XKR5: variants seen among roughly 807,000 people sequenced by gnomAD.
XKR5 encodes XK-related protein 5.
In XKR5, 46 loss-of-function variants were observed where a neutral mutation model predicts 40.8. The ratio of observed to expected loss-of-function variants is 1.13; its 90% CI spans 0.89 to 1.44. The LOEUF (loss-of-function observed/expected upper bound fraction) is 1.44, where lower values mean the gene tolerates loss of function less well. Ranked by LOEUF, XKR5 falls within the 40% of genes most tolerant of loss-of-function variation. XKR5 has a pLI of 0.00. For synonymous variants in XKR5, 466 were observed against 356.1 expected (o/e 1.31, Z -3.48); for missense variants, 1,169 against 844.7 (o/e 1.38, Z -4.76).
chr8:6,816,096 AAG>A (rs879775279), intron 5 of XKR5, among the ~76,000 whole-genome samples, 178 bp from the exon 6 acceptor site: 15 of 151,948 alleles, frequency 9.9e-5, no homozygotes, highest in African/African-American at 3.6e-4. Flanking sequence ...TTCTCTGGCA[AAG>A]AGAGAGCCAC....
chr8:6,835,361 G>A, intron 1 of XKR5, 75 bp downstream of exon 1: 5 of 1,333,530 alleles, frequency 3.7e-6, no homozygotes, highest in Non-Finnish European at 2.9e-6. Flanking sequence ...GGCATAGGCA[G>A]CCTGTGCGGC....
chr8:6,816,088 C>G (rs937938268), intron 5 of XKR5, among the ~76,000 whole-genome samples, 170 bp from the exon 6 acceptor site: 9 of 152,008 alleles, frequency 5.9e-5, no homozygotes, highest in African/African-American at 2.2e-4. Flanking sequence ...CTGAGACCTT[C>G]TCTGGCAAAG....
chr8:6,827,984 C>G (rs1392868177), intron 2 of XKR5, among the ~76,000 whole-genome samples: 1 of 152,020 alleles, frequency 6.6e-6, no homozygotes, highest in African/African-American at 2.4e-5. Flanking sequence ...GGGAGGATCA[C>G]TTGAGCCCAG....
intron 2 of XKR5, among the ~76,000 whole-genome samples, chr8:6,829,489 A>G (rs1006546474): frequency 3.9e-5 from 6 of 152,196 alleles, no homozygotes; most frequent in African/African-American, 1.4e-4. Context: ...AAAAGAATAC[A>G]CTTATGGCTT....
chr8:6,832,921 C>G, intron 1 of XKR5, 21 bp from the exon 2 acceptor site: 1 of 1,534,488 alleles, frequency 6.5e-7, no homozygotes, highest in Non-Finnish European at 8.7e-7. Flanking sequence ...AGGGGAAAGG[C>G]AAGCAGGTTG....
At chr8:6,813,106 G>T (rs980708036) in intron 6 of XKR5, among the ~76,000 whole-genome samples, 1 of 152,212 alleles carries the variant, frequency 6.6e-6, no homozygotes, top group African/African-American at 2.4e-5. Context: ...CCAGGAGATT[G>T]CAGCATGACA....
Position 6,835,507 on chromosome 8 carries a change from C to A in XKR5, c.-14G>T. Reference sequence around the variant, plus strand: ...CCTCGCGTGCATCTTCCGTGCCGACCCCGCAGCCTGCGCCCGCCCCTTCCC... The same window carrying A: ...CCTCGCGTGCATCTTCCGTGCCGACACCGCAGCCTGCGCCCGCCCCTTCCC... On this transcript the variant is annotated 5_prime_UTR_variant, in exon 1 of 7. Coordinates refer to ENST00000618742, the MANE Select transcript of XKR5 (RefSeq NM_207411.5). 6.7e-7 allele frequency: 1 copy of A among 1,494,044 alleles called. No individual in the cohort carries two copies. Among genetic ancestry groups the A allele is most frequent in the South Asian group, 1.3e-5 (1 of 79,478 alleles). 92.5% of individuals were successfully genotyped at this position (1,494,044 alleles called of 1,614,324 possible).
chr8:6,834,384 C>A (rs1289240884), intron 1 of XKR5, among the ~76,000 whole-genome samples: 2 of 152,254 alleles, frequency 1.3e-5, no homozygotes, highest in East Asian at 1.9e-4. Context: ...GCTGTCACCA[C>A]CCCGAGCGTC....
rs946111500 is a variant in XKR5 at position 6,810,527 on chromosome 8, T to C, written c.*671A>G. The C allele has an allele frequency of 1.3e-5, 2 of 152,260 alleles. No homozygotes were observed. Among genetic ancestry groups the C allele is most frequent in the Non-Finnish European group, 2.9e-5 (2 of 68,072 alleles). The allele number at this position is 152,260 out of a possible 1,614,324, so 9.4% of individuals were successfully genotyped here. A position where few individuals can be genotyped will look rare whatever the true frequency, so the allele number is the denominator to read the frequency against. ...ACATTTATGCAGCTGGCCAGGAGGA[T>C]GCTGATGGTCTGAGAGTGAATTGCA... is the stretch of plus-strand genomic sequence containing the variant. On this transcript the variant is annotated 3_prime_UTR_variant, in exon 7 of 7. Transcript: ENST00000618742.
chr8:6,835,346 G>A (rs879628233), intron 1 of XKR5, 90 bp downstream of exon 1: 12 of 1,287,616 alleles, frequency 9.3e-6, no homozygotes, highest in East Asian at 3.2e-5. Context: ...GGCAGTGCCC[G>A]CCCGGGCATA....
intron 2 of XKR5, among the ~76,000 whole-genome samples, chr8:6,827,717 G>C (rs1392238097): frequency 6.6e-6 from 1 of 152,086 alleles, no homozygotes; most frequent in Non-Finnish European, 1.5e-5. Flanking sequence ...TCCTCTTCTT[G>C]CTCTTCCAGA....
intron 4 of XKR5, 140 bp downstream of exon 4, chr8:6,823,381 C>T: frequency 1.2e-6 from 1 of 861,924 alleles, no homozygotes; most frequent in Non-Finnish European, 1.8e-6. Context: ...TGAGGCCACC[C>T]AAGCAAGATC....
intron 4 of XKR5, among the ~76,000 whole-genome samples, chr8:6,822,497 GA>G (rs1804286115): frequency 7.0e-6 from 1 of 142,550 alleles, no homozygotes; most frequent in African/African-American, 2.4e-5. Context: ...ATTTCAAGCT[GA>G]TTTTTTTTAA....
chr8:6,832,784 C>T lies in XKR5; in HGVS notation c.175G>A (p.Ala59Thr). 1 of 1,613,272 alleles carries T rather than the reference C, an allele frequency of 6.2e-7. No homozygotes were observed. The highest frequency in any genetic ancestry group is 1.1e-5 in the South Asian group (1 of 90,828). Reference sequence around the variant, plus strand: ...GAGCAATGCCCTGGATGCCCGTCTGCTCGGAACCACAGGTAGCTCAGGGCC... The same window carrying T: ...GAGCAATGCCCTGGATGCCCGTCTGTTCGGAACCACAGGTAGCTCAGGGCC... ...VQALSYLWFR[A>T]DGHPGHCSLM... is the part of the protein sequence containing the mutation. The change falls in exon 2 of 7, where the codon GCA becomes ACA. Residue 59 changes from alanine to threonine, a missense_variant. Transcript: ENST00000618742.
At chr8:6,829,950 G>T (rs1804683866) in intron 2 of XKR5, among the ~76,000 whole-genome samples, 2 of 140,506 alleles carry the variant, frequency 1.4e-5, no homozygotes, top group Admixed American at 7.9e-5. Flanking sequence ...CCATTCTCCT[G>T]CCTCAGCCTC....
intron 1 of XKR5, among the ~76,000 whole-genome samples, chr8:6,833,570 C>T (rs1007192702): frequency 6.6e-6 from 1 of 152,178 alleles, no homozygotes; most frequent in African/African-American, 2.4e-5. Context: ...CAAAAATGAG[C>T]AAGTTTGCTG....
intron 1 of XKR5, among the ~76,000 whole-genome samples, chr8:6,833,697 C>G (rs1804872088): frequency 6.6e-6 from 1 of 151,964 alleles, no homozygotes. Flanking sequence ...GCCTGGGCCA[C>G]AGAGCAAGAC....
At chr8:6,814,689 G>T (rs1258773060) in intron 6 of XKR5, among the ~76,000 whole-genome samples, 1 of 152,202 alleles carries the variant, frequency 6.6e-6, no homozygotes, top group African/African-American at 2.4e-5. Flanking sequence ...ATTTGAAAAA[G>T]AAGGGGTTGT....
Position 6,832,555 on chromosome 8 carries a change from G to A in XKR5, c.242+162C>T, listed in dbSNP as rs753226832. Among the ~76,000 whole-genome samples the A allele has an allele frequency of 4.8e-5, 7 of 145,242 alleles. 1 individual carries two copies. The highest frequency in any genetic ancestry group is 1.0e-4 in the Non-Finnish European group (7 of 67,986). On this transcript the variant is annotated intron_variant, in intron 2 of 6. Transcript: ENST00000618742. ...GCTCAAAAAAGTGCAGGCTGGACCC[G>A]GGCATGCCAATATCAGAGCAGGGGT...
Sources: allele counts gnomAD v4.1 joint callset (sites outside exome capture counted in the v4.1 genomes callset), GRCh38; gene constraint gnomAD v4.1.1; transcripts MANE v1.5; gene names NCBI Gene and HGNC (gene_info 2026-07-23, HGNC 2026-07-21).